The following PDSS2 variants were observed in gnomAD, a reference collection of about 807,000 sequenced individuals.
PDSS2 encodes all trans-polyprenyl-diphosphate synthase PDSS2.
A neutral mutation model predicts 44.5 loss-of-function variants in PDSS2; 31 were observed. The observed-to-expected ratio is 0.70, with a 90% CI of 0.52 to 0.94. The LOEUF (loss-of-function observed/expected upper bound fraction) is 0.94. Ranked by LOEUF, PDSS2 falls within the 40% of genes least tolerant of loss-of-function variation. The pLI is 0.00. For synonymous variants in PDSS2, 157 were observed against 180.3 expected (o/e 0.87, Z 1.03); for missense variants, 452 against 482.2 (o/e 0.94, Z 0.59).
chr6:107,379,957 G>GT (rs562237479), intron 1 of PDSS2, among the ~76,000 whole-genome samples: 12 of 151,168 alleles, frequency 7.9e-5, no homozygotes, highest in East Asian at 3.9e-4. Context: ...TCTATTATCA[G>GT]TTTTTTTTGA....
intron 7 of PDSS2, among the ~76,000 whole-genome samples, chr6:107,170,610 C>T (rs1771534093): frequency 2.5e-5 from 1 of 40,174 alleles, no homozygotes; most frequent in African/African-American, 9.3e-5. Flanking sequence ...GGAACCACCC[C>T]CCCCCCCCCA....
intron 1 of PDSS2, among the ~76,000 whole-genome samples, chr6:107,450,070 G>T (rs1028749862): frequency 6.6e-6 from 1 of 152,212 alleles, no homozygotes; most frequent in Non-Finnish European, 1.5e-5. Flanking sequence ...AAGCAGAATT[G>T]TTGGGTCATA....
intron 1 of PDSS2, among the ~76,000 whole-genome samples, chr6:107,344,860 C>T (rs930712625): frequency 5.3e-5 from 8 of 152,098 alleles, no homozygotes; most frequent in African/African-American, 1.9e-4. Context: ...GGAAAAACAA[C>T]AACAAAGATT....
At chr6:107,361,658 T>C (rs1038936673) in intron 1 of PDSS2, among the ~76,000 whole-genome samples, 7 of 152,172 alleles carry the variant, frequency 4.6e-5, no homozygotes, top group Admixed American at 4.6e-4. Flanking sequence ...TGTAACACTA[T>C]CCAAATCACT....
At chr6:107,385,120 T>A (rs1472979558) in intron 1 of PDSS2, among the ~76,000 whole-genome samples, 1 of 152,164 alleles carries the variant, frequency 6.6e-6, no homozygotes. Flanking sequence ...ATCTCTTTAT[T>A]TAGTCTTTGG....
chr6:107,336,628 T>G (rs562824604), intron 1 of PDSS2, among the ~76,000 whole-genome samples: 22 of 152,264 alleles, frequency 1.4e-4, no homozygotes, highest in African/African-American at 5.1e-4. Flanking sequence ...AGAGGCATCC[T>G]ATTACAGAAC....
At chr6:107,313,396 A>T (rs891669092) in intron 2 of PDSS2, among the ~76,000 whole-genome samples, 1 of 152,144 alleles carries the variant, frequency 6.6e-6, no homozygotes, top group South Asian at 2.1e-4. Context: ...TCTGTTGTCC[A>T]GGCTGGAGTG....
chr6:107,338,789 G>A (rs1171445802), intron 1 of PDSS2, among the ~76,000 whole-genome samples: 3 of 152,180 alleles, frequency 2.0e-5, no homozygotes, highest in Non-Finnish European at 2.9e-5. Flanking sequence ...AACACAGTAC[G>A]TAAAGGAAGA....
intron 1 of PDSS2, among the ~76,000 whole-genome samples, chr6:107,445,303 C>G (rs371772470): frequency 6.6e-6 from 1 of 151,826 alleles, no homozygotes. Context: ...ATGTTGTTAC[C>G]TTCAGTTTAT....
chr6:107,306,426 T>C (rs557284251), intron 2 of PDSS2, among the ~76,000 whole-genome samples: 15 of 152,336 alleles, frequency 9.8e-5, no homozygotes, highest in Non-Finnish European at 1.9e-4. Flanking sequence ...CTGCCATGAT[T>C]GTGAGGCTTC....
rs186839528 is a variant in PDSS2 at position 107,355,844 on chromosome 6, T to C, written c.297-21512A>G. Among the ~76,000 whole-genome samples the C allele has an allele frequency of 2.7e-3, 407 of 152,352 alleles. 3 individuals carry two copies. The highest frequency in any genetic ancestry group is 3.3e-3 in the Non-Finnish European group (227 of 68,032). On this transcript the variant is annotated intron_variant, in intron 1 of 7. Coordinates refer to ENST00000369037, the MANE Select transcript of PDSS2 (RefSeq NM_020381.4). ...CATATGCCAATTTAGGCAGGATTTC[T>C]GGGAGCGGGGCCACAACACCCTTCA...
intron 4 of PDSS2, among the ~76,000 whole-genome samples, chr6:107,229,167 A>G (rs1441973049): frequency 6.6e-6 from 1 of 152,146 alleles, no homozygotes; most frequent in Non-Finnish European, 1.5e-5. Flanking sequence ...AGGAAAAAAA[A>G]TACATTTTTT....
chr6:107,386,354 G>C (rs1779610060), intron 1 of PDSS2, among the ~76,000 whole-genome samples: 1 of 145,442 alleles, frequency 6.9e-6, no homozygotes, highest in African/African-American at 2.5e-5. Flanking sequence ...GATGTAAATA[G>C]TTTTACATTG....
intron 6 of PDSS2, among the ~76,000 whole-genome samples, chr6:107,196,242 A>T (rs1772558920): frequency 6.6e-6 from 1 of 152,230 alleles, no homozygotes; most frequent in Non-Finnish European, 1.5e-5. Flanking sequence ...ATCCCACCAT[A>T]GTAACTTCTG....
intron 1 of PDSS2, 101 bp from the exon 2 acceptor site, chr6:107,334,433 C>G (rs1391786166): frequency 1.9e-6 from 2 of 1,056,906 alleles, no homozygotes; most frequent in Non-Finnish European, 2.9e-6. Flanking sequence ...TAAAACTGGA[C>G]AATGAGACTT....
chr6:107,376,570 GGTGTATAAGAATGCTT>G (rs1341892765), intron 1 of PDSS2, among the ~76,000 whole-genome samples: 1 of 152,224 alleles, frequency 6.6e-6, no homozygotes, highest in Non-Finnish European at 1.5e-5. Flanking sequence ...GTCTGTTATT[GGTGTATAAGAATGCTT>G]GTGATTTTTG....
intron 6 of PDSS2, among the ~76,000 whole-genome samples, chr6:107,195,100 A>G (rs1772509871): frequency 6.6e-6 from 1 of 152,140 alleles, no homozygotes; most frequent in African/African-American, 2.4e-5. Context: ...AGGTCTCAAG[A>G]CCATTTTGTT....
At chr6:107,425,555 G>A (rs1199297036) in intron 1 of PDSS2, among the ~76,000 whole-genome samples, 1 of 152,196 alleles carries the variant, frequency 6.6e-6, no homozygotes, top group Admixed American at 6.5e-5. Context: ...GTATCTTGTA[G>A]AAGAAATTTA....
At chr6:107,264,570 T>C (rs1775351316) in intron 3 of PDSS2, 2 of 1,052,444 alleles carry the variant, frequency 1.9e-6, no homozygotes, top group Admixed American at 2.1e-5. Context: ...AGGCTTATCA[T>C]TATATATGTA....
Sources: gnomAD v4.1 joint callset for allele counts (sites outside exome capture counted in the v4.1 genomes callset) on GRCh38, gnomAD v4.1.1 for gene constraint, MANE v1.5 for transcripts, NCBI Gene and HGNC (gene_info 2026-07-23, HGNC 2026-07-21) for gene names.